The following SEPTIN11 variants were observed in gnomAD, a reference collection of about 807,000 sequenced individuals.
SEPTIN11 encodes septin 11.
A neutral mutation model predicts 51.4 loss-of-function variants in SEPTIN11; 25 were observed. The observed-to-expected ratio is 0.49, with a 90% CI of 0.35 to 0.68. The LOEUF is 0.68. Among genes scored for constraint, SEPTIN11 ranks in the 30% least tolerant of loss-of-function variants. The pLI, the probability that SEPTIN11 is intolerant of heterozygous loss-of-function variation, is 0.00. For synonymous variants in SEPTIN11, 174 were observed against 184.1 expected, an observed-to-expected ratio of 0.95 and a Z score of 0.44; for missense variants, 381 against 520.8, an observed-to-expected ratio of 0.73 and a Z score of 2.61.
At chr4:76,986,112 T>C (rs1037018759) in intron 1 of SEPTIN11, among the ~76,000 whole-genome samples, 6 of 151,958 alleles carry the variant, frequency 3.9e-5, no homozygotes, top group East Asian at 1.9e-4. Flanking sequence ...ATTCAGAGGA[T>C]AGGGGAGGGT....
intron 1 of SEPTIN11, among the ~76,000 whole-genome samples, chr4:76,955,246 A>G (rs1721510942): frequency 6.6e-6 from 1 of 152,168 alleles, no homozygotes; most frequent in Non-Finnish European, 1.5e-5. Flanking sequence ...TTCTATATGC[A>G]GGTGCTGAAA....
chr4:77,003,299 A>C (rs1194492911), intron 2 of SEPTIN11, among the ~76,000 whole-genome samples: 1 of 152,212 alleles, frequency 6.6e-6, no homozygotes, highest in East Asian at 1.9e-4. Flanking sequence ...GCCAACTAGC[A>C]GGGCCATGGA....
intron 3 of SEPTIN11, among the ~76,000 whole-genome samples, chr4:77,010,596 ATTGT>A (rs775345403): frequency 1.3e-5 from 2 of 151,568 alleles, no homozygotes; most frequent in African/African-American, 2.4e-5. Context: ...GTTTGTTGTT[ATTGT>A]TTATTTTGGG....
At chr4:77,003,899 A>C (rs936519543) in intron 2 of SEPTIN11, among the ~76,000 whole-genome samples, 2 of 152,218 alleles carry the variant, frequency 1.3e-5, no homozygotes, top group African/African-American at 4.8e-5. Context: ...TATTGGGATT[A>C]GAAGTAGTTG....
intron 2 of SEPTIN11, among the ~76,000 whole-genome samples, chr4:76,997,131 A>G (rs77649645): frequency 0.017 from 2,569 of 152,242 alleles, 80 homozygotes; most frequent in African/African-American, 0.059. Flanking sequence ...ATTTCCTGTT[A>G]GTTTGAAGGA....
intron 3 of SEPTIN11, among the ~76,000 whole-genome samples, chr4:77,008,360 C>T (rs1724630600): frequency 6.6e-6 from 1 of 152,144 alleles, no homozygotes; most frequent in East Asian, 1.9e-4. Flanking sequence ...ATTGAAATCC[C>T]CTGAGACGGA....
chr4:77,016,653 T>TATATATATATATATATAC (rs1725320506), intron 5 of SEPTIN11, among the ~76,000 whole-genome samples: 1 of 123,946 alleles, frequency 8.1e-6, no homozygotes, highest in African/African-American at 3.0e-5. Flanking sequence ...TATATATATA[T>TATATATATATATATATAC]ATACACATAT....
rs1375044162 is a variant in SEPTIN11 at position 77,016,633 on chromosome 4, C to CACACATAT, written c.687+1617_687+1618insCACATATA. Among the ~76,000 whole-genome samples, 26 of 72,746 alleles carry CACACATAT rather than the reference C, an allele frequency of 3.6e-4. 1 individual carries two copies. Among genetic ancestry groups the CACACATAT allele is most frequent in the African/African-American group, 1.3e-3 (25 of 19,080 alleles). The allele number at this position is 72,746 out of a possible 152,430, so 47.7% of individuals were successfully genotyped here. A position where few individuals can be genotyped will look rare whatever the true frequency, so the allele number is the denominator to read the frequency against. ...ATATACACATATATATATATATACA[C>CACACATAT]ATATATATATATATATATATATACA... On this transcript the variant is annotated intron_variant, in intron 5 of 9. Coordinates refer to ENST00000264893, the MANE Select transcript of SEPTIN11 (RefSeq NM_018243.4).
rs529020386 is a variant in SEPTIN11 at position 76,959,984 on chromosome 4, G to A, written c.27+10054G>A. On this transcript the variant is annotated intron_variant, in intron 1 of 9. Transcript: ENST00000264893. ...CCATCACCTCAAGCATTTATCCTTT[G>A]TGTTTCCAACAATCTAATTGTACTC... Among the ~76,000 whole-genome samples, 292 of 152,256 alleles carry A rather than the reference G, an allele frequency of 1.9e-3. 1 individual carries two copies. The highest frequency in any genetic ancestry group is 5.6e-3 in the African/African-American group (234 of 41,546).
intron 9 of SEPTIN11, among the ~76,000 whole-genome samples, chr4:77,033,194 A>G (rs1268387927): frequency 6.6e-6 from 1 of 151,996 alleles, no homozygotes; most frequent in Admixed American, 6.5e-5. Flanking sequence ...TGCCAGTGGT[A>G]GTGGAGTGTT....
intron 1 of SEPTIN11, among the ~76,000 whole-genome samples, chr4:76,967,493 C>T (rs903066748): frequency 6.6e-6 from 1 of 152,206 alleles, no homozygotes; most frequent in Non-Finnish European, 1.5e-5. Flanking sequence ...CATGCCACCT[C>T]TTGGCTCTGA....
intron 1 of SEPTIN11, among the ~76,000 whole-genome samples, chr4:76,950,367 C>T (rs1721277676): frequency 6.6e-6 from 1 of 152,224 alleles, no homozygotes; most frequent in Non-Finnish European, 1.5e-5. Context: ...GCGTGTGGCA[C>T]TGCTGTAGAA....
At position 77,036,506 on chromosome 4, in the gene SEPTIN11, A is replaced by G; in HGVS notation, c.*1994A>G. On this transcript the variant is annotated 3_prime_UTR_variant, in exon 10 of 10. Coordinates refer to ENST00000264893, the MANE Select transcript of SEPTIN11 (RefSeq NM_018243.4). ...CTTGCATCACTAAAATTTTTTTAAA[A>G]TGAGCATAACAACGAAAGGCATCCA... is the stretch of plus-strand genomic sequence containing the variant. 1 of 1,338,816 alleles carries G rather than the reference A, an allele frequency of 7.5e-7. No individual in the cohort carries two copies. The highest frequency in any genetic ancestry group is 9.6e-7 in the Non-Finnish European group (1 of 1,046,326). The allele number at this position is 1,338,816 out of a possible 1,614,324, so 82.9% of individuals were successfully genotyped here. A position where few individuals can be genotyped will look rare whatever the true frequency, so the allele number is the denominator to read the frequency against.
Position 77,036,974 on chromosome 4 carries a change from A to G in SEPTIN11, c.*2462A>G. ...GGTTTGAGTAGCCTTTGTTTAAAAAAAAGACTAAATATATTTAAAAGGCCA... is the reference window on the plus strand; with the variant it reads ...GGTTTGAGTAGCCTTTGTTTAAAAAGAAGACTAAATATATTTAAAAGGCCA... On this transcript the variant is annotated 3_prime_UTR_variant, in exon 10 of 10. Transcript: ENST00000264893. 1.6e-6 allele frequency: 2 copies of G among 1,277,704 alleles called. No individual in the cohort carries two copies. Among genetic ancestry groups the G allele is most frequent in the East Asian group, 6.2e-5 (2 of 32,350 alleles). 79.1% of individuals were successfully genotyped at this position (1,277,704 alleles called of 1,614,324 possible).
chr4:76,956,969 T>TGTGTGTGTGTGTGG (rs1721583378), intron 1 of SEPTIN11, among the ~76,000 whole-genome samples: 1 of 133,354 alleles, frequency 7.5e-6, no homozygotes. Context: ...ATGATGTGTG[T>TGTGTGTGTGTGTGG]GTGTGTGTGT....
chr4:77,027,715 T>C (rs1726279618), intron 7 of SEPTIN11, among the ~76,000 whole-genome samples: 1 of 152,104 alleles, frequency 6.6e-6, no homozygotes, highest in African/African-American at 2.4e-5. Context: ...AAGAGAGAAA[T>C]AGCACTTTAT....
chr4:77,005,456 G>T (rs1049514759), intron 2 of SEPTIN11, 145 bp from the exon 3 acceptor site: 1 of 677,652 alleles, frequency 1.5e-6, no homozygotes, highest in Non-Finnish European at 2.4e-6. Context: ...CACATAGAAA[G>T]AATTATCTCT....
At position 77,037,381 on chromosome 4, in the gene SEPTIN11, A is replaced by C. The variant is rs1334136144; in HGVS notation, c.*2869A>C. On this transcript the variant is annotated 3_prime_UTR_variant, in exon 10 of 10. Coordinates refer to ENST00000264893, the MANE Select transcript of SEPTIN11 (RefSeq NM_018243.4). ...TCCAAAAAAAAAAAAGAAATTATTAATCCCTGCCTGTGCTCTACATAGCCT... is the reference window on the plus strand; with the variant it reads ...TCCAAAAAAAAAAAAGAAATTATTACTCCCTGCCTGTGCTCTACATAGCCT... 3.5e-5 allele frequency: 34 copies of C among 985,278 alleles called. No homozygotes were observed. Among genetic ancestry groups the C allele is most frequent in the Non-Finnish European group, 4.0e-5 (33 of 829,974 alleles). 61.0% of individuals were successfully genotyped at this position (985,278 alleles called of 1,614,324 possible).
At chr4:77,015,892 G>A (rs1017825427) in intron 5 of SEPTIN11, among the ~76,000 whole-genome samples, 1 of 152,150 alleles carries the variant, frequency 6.6e-6, no homozygotes, top group African/African-American at 2.4e-5. Flanking sequence ...GATCACCAAG[G>A]GGTTTTGGTC....
Sources: allele counts gnomAD v4.1 joint callset (sites outside exome capture counted in the v4.1 genomes callset), GRCh38; gene constraint gnomAD v4.1.1; transcripts MANE v1.5; gene names NCBI Gene and HGNC (gene_info 2026-07-23, HGNC 2026-07-21).